The following ESR1 variants were observed in gnomAD, a reference collection of about 807,000 sequenced individuals.
ESR1 encodes the protein estrogen receptor.
A neutral mutation model predicts 52.7 loss-of-function variants in ESR1; 12 were observed. That is an observed-to-expected ratio of 0.23 (90% CI 0.15 to 0.37). The LOEUF is 0.37. ESR1 is among the 10% of genes least tolerant of loss of function. The pLI is 1.00. For synonymous variants in ESR1, 305 were observed against 316.8 expected (o/e 0.96, Z 0.39); for missense variants, 584 against 779.7 (o/e 0.75, Z 2.99).
intron 5 of ESR1, among the ~76,000 whole-genome samples, chr6:152,050,966 C>T (rs1049141333): frequency 9.9e-5 from 15 of 152,094 alleles, no homozygotes; most frequent in African/African-American, 2.2e-4. Context: ...TTTACATTTC[C>T]GTTATTTGGT....
At chr6:151,868,390 A>G (rs1790354287) in intron 2 of ESR1, among the ~76,000 whole-genome samples, 1 of 152,138 alleles carries the variant, frequency 6.6e-6, no homozygotes, top group African/African-American at 2.4e-5. Context: ...GGCCTCCCAA[A>G]GTGGTGGGAT....
chr6:151,997,672 C>T (rs1347514403), intron 4 of ESR1, among the ~76,000 whole-genome samples: 2 of 152,124 alleles, frequency 1.3e-5, no homozygotes, highest in Non-Finnish European at 2.9e-5. Flanking sequence ...ACTGTGGTTC[C>T]ACTTTCGCCT....
At chr6:152,015,431 T>C (rs1426177339) in intron 5 of ESR1, among the ~76,000 whole-genome samples, 1 of 152,238 alleles carries the variant, frequency 6.6e-6, no homozygotes, top group Non-Finnish European at 1.5e-5. Flanking sequence ...CTCTTTATTA[T>C]TCTCATTCCA....
At chr6:151,799,959 A>G (rs1777074494), upstream of ESR1, among the ~76,000 whole-genome samples, 1 of 152,174 alleles carries the variant, frequency 6.6e-6, no homozygotes, top group South Asian at 2.1e-4. Context: ...GACTCTTGAT[A>G]AATGAGGATA....
chr6:151,710,626 G>A (rs1780530896), intron 2 of ESR1, among the ~76,000 whole-genome samples: 1 of 151,976 alleles, frequency 6.6e-6, no homozygotes, highest in Non-Finnish European at 1.5e-5. Context: ...AGAACGTGCA[G>A]GTTTGTTACA....
At chr6:151,734,432 A>G (rs949940398) in intron 2 of ESR1, among the ~76,000 whole-genome samples, 1 of 151,984 alleles carries the variant, frequency 6.6e-6, no homozygotes, top group South Asian at 2.1e-4. Context: ...CTCAGTTGCT[A>G]TAAAATATGG....
In ESR1 at chr6:152,118,716, C is replaced by T. The variant is rs531848131; in HGVS notation, c.851-6550C>T. The stretch of plus-strand genomic sequence containing the variant: ...TGATAGGTGCAGCAAACCACCATGG[C>T]ACATGTATACCTGTGTAACAAACCT... On this transcript the variant is annotated intron_variant, in intron 6 of 6. Coordinates refer to the ESR1 transcript ENST00000427531. Among the ~76,000 whole-genome samples, 226 of 152,150 alleles carry T rather than the reference C, an allele frequency of 1.5e-3. 1 individual carries two copies. Among genetic ancestry groups the T allele is most frequent in the South Asian group, 3.3e-3 (16 of 4,820 alleles).
chr6:151,989,324 G>A (rs1045624232), intron 4 of ESR1, among the ~76,000 whole-genome samples: 12 of 151,958 alleles, frequency 7.9e-5, no homozygotes, highest in African/African-American at 2.7e-4. Context: ...TCCAGCACAG[G>A]TTTAATAAAT....
intron 4 of ESR1, among the ~76,000 whole-genome samples, chr6:151,995,970 A>G (rs1360389877): frequency 2.6e-5 from 4 of 152,176 alleles, no homozygotes; most frequent in African/African-American, 9.7e-5. Context: ...CTCCACTATG[A>G]AGTAGCTGAG....
intron 6 of ESR1, among the ~76,000 whole-genome samples, chr6:152,062,461 T>C (rs895354568): frequency 6.6e-6 from 1 of 152,214 alleles, no homozygotes; most frequent in Admixed American, 6.5e-5. Flanking sequence ...AAGGACTGAA[T>C]TACAGAATGA....
chr6:152,019,146 A>G (rs1240520027), intron 5 of ESR1, among the ~76,000 whole-genome samples: 3 of 152,358 alleles, frequency 2.0e-5, no homozygotes, highest in East Asian at 3.9e-4. Flanking sequence ...CCAAACTGCC[A>G]TTATGATTGC....
chr6:152,021,556 C>T (rs1456352660), intron 5 of ESR1, among the ~76,000 whole-genome samples: 2 of 152,102 alleles, frequency 1.3e-5, no homozygotes, highest in African/African-American at 2.4e-5. Context: ...TCTTAACCTG[C>T]TTACTTATTT....
At chr6:152,000,432 C>G (rs911353421) in intron 4 of ESR1, among the ~76,000 whole-genome samples, 1 of 151,986 alleles carries the variant, frequency 6.6e-6, no homozygotes, top group Non-Finnish European at 1.5e-5. Flanking sequence ...ACACTTGGAA[C>G]TCTAAGAAGG....
chr6:152,031,524 A>C lies in ESR1; in HGVS notation c.1235+19730A>C, dbSNP rs559687512. On this transcript the variant is annotated intron_variant, in intron 5 of 7. Transcript: ENST00000206249. ...TACTATAAACACCTCTACACAAATAAACTAGAACATCTAGAAGAAATGGAT... is the reference window on the plus strand; with the variant it reads ...TACTATAAACACCTCTACACAAATACACTAGAACATCTAGAAGAAATGGAT... Among the ~76,000 whole-genome samples the C allele has an allele frequency of 1.8e-4, 27 of 152,358 alleles. 2 individuals carry two copies. In the South Asian group the frequency reaches 5.6e-3, roughly 32 times the overall value.
intron 2 of ESR1, among the ~76,000 whole-genome samples, chr6:151,712,250 TGTA>T (rs1227285743): frequency 2.0e-5 from 3 of 152,182 alleles, no homozygotes. Flanking sequence ...ACCGTAGCCT[TGTA>T]GTATAGTTTG....
intron 2 of ESR1, among the ~76,000 whole-genome samples, chr6:151,847,525 G>A (rs9479132): frequency 0.059 from 8,439 of 143,970 alleles, 508 homozygotes; most frequent in East Asian, 0.16. Context: ...TTTTTTGGCT[G>A]CATAAATGTC....
At chr6:151,903,520 A>G (rs1246640521) in intron 3 of ESR1, among the ~76,000 whole-genome samples, 3 of 151,384 alleles carry the variant, frequency 2.0e-5, no homozygotes, top group African/African-American at 7.3e-5. Context: ...TGGGCATGCC[A>G]CAGAACCCCA....
chr6:151,881,408 G>A (rs1320021173), intron 3 of ESR1, among the ~76,000 whole-genome samples: 1 of 152,172 alleles, frequency 6.6e-6, no homozygotes, highest in Non-Finnish European at 1.5e-5. Flanking sequence ...TTGTGGCTGT[G>A]TGTGTGTGTG....
chr6:151,810,537 T>G (rs1363338047), intron 1 of ESR1, among the ~76,000 whole-genome samples: 2 of 152,214 alleles, frequency 1.3e-5, no homozygotes, highest in African/African-American at 4.8e-5. Flanking sequence ...TTTAGGAAAC[T>G]TTAAGTTTCT....
Sources: allele counts gnomAD v4.1 joint callset (sites outside exome capture counted in the v4.1 genomes callset), GRCh38; gene constraint gnomAD v4.1.1; transcripts MANE v1.5; gene names NCBI Gene and HGNC (gene_info 2026-07-23, HGNC 2026-07-21).